The following CCDC73 variants were observed in gnomAD, a reference collection of about 807,000 sequenced individuals.
CCDC73 encodes coiled-coil domain containing 73.
A neutral mutation model predicts 116.5 loss-of-function variants in CCDC73; 95 were observed. That is an observed-to-expected ratio of 0.82 (90% CI 0.69 to 0.97). The LOEUF (loss-of-function observed/expected upper bound fraction) is 0.97, where lower values mean the gene tolerates loss of function less well. Among genes scored for constraint, CCDC73 ranks in the 50% least tolerant of loss-of-function variants. CCDC73 has a pLI of 0.00. For missense variants in CCDC73, 1,066 were observed against 1,206.8 expected (o/e 0.88, Z 1.73); for synonymous variants, 398 against 401.3 (o/e 0.99, Z 0.10).
intron 2 of CCDC73, among the ~76,000 whole-genome samples, chr11:32,750,184 C>T (rs1312594658): frequency 6.6e-6 from 1 of 152,164 alleles, no homozygotes; most frequent in African/African-American, 2.4e-5. Context: ...CTCTCACTTT[C>T]TACCAAATAA....
chr11:32,762,571 T>C (rs1026973452), intron 1 of CCDC73, among the ~76,000 whole-genome samples: 1 of 151,890 alleles, frequency 6.6e-6, no homozygotes, highest in African/African-American at 2.4e-5. Flanking sequence ...AGAGGTGCCT[T>C]GGTGTCAAGC....
intron 1 of CCDC73, among the ~76,000 whole-genome samples, chr11:32,792,901 TG>T (rs1388560062): frequency 3.3e-5 from 5 of 152,232 alleles, no homozygotes; most frequent in African/African-American, 1.2e-4. Flanking sequence ...GTTTGGGGTT[TG>T]TTTTTTTAGG....
chr11:32,749,370 CTTT>C (rs1177158525), intron 2 of CCDC73, among the ~76,000 whole-genome samples: 1 of 151,854 alleles, frequency 6.6e-6, no homozygotes, highest in Non-Finnish European at 1.5e-5. Context: ...CTGCTTGACT[CTTT>C]TTTAATTATT....
At chr11:32,770,303 A>C (rs896118109) in intron 1 of CCDC73, among the ~76,000 whole-genome samples, 5 of 152,194 alleles carry the variant, frequency 3.3e-5, no homozygotes, top group Non-Finnish European at 1.5e-5. Flanking sequence ...TGTAGAGCTC[A>C]TACAGTGTCA....
At chr11:32,628,262 T>C (rs1855595249) in intron 14 of CCDC73, among the ~76,000 whole-genome samples, 1 of 152,164 alleles carries the variant, frequency 6.6e-6, no homozygotes, top group Non-Finnish European at 1.5e-5. Context: ...TGCTACACCA[T>C]AGCACAAGGA....
rs1334419145 is a variant in CCDC73, at chr11:32,768,582, A to G, written c.-15-8324T>C. On this transcript the variant is annotated intron_variant, in intron 1 of 17. Transcript: ENST00000335185. ...TTAATTTTTAAATAAAAGCTGCTTC[A>G]TTGGATAGTGAAAGAAACCTCAATC... 2.0e-5 allele frequency among the ~76,000 whole-genome samples: 3 copies of G among 152,360 alleles called. No individual in the cohort carries two copies. The East Asian group carries it at 5.8e-4, about 29-fold the overall frequency.
At chr11:32,798,916 G>GGC (rs1554971664), upstream of CCDC73, among the ~76,000 whole-genome samples, 3 of 26,866 alleles carry the variant, frequency 1.1e-4, no homozygotes, top group Non-Finnish European at 2.4e-4. Context: ...TGTTTGTTTT[G>GGC]GGGGGGGGCG....
At chr11:32,644,756 C>T (rs1855761905) in intron 12 of CCDC73, among the ~76,000 whole-genome samples, 1 of 152,134 alleles carries the variant, frequency 6.6e-6, no homozygotes, top group South Asian at 2.1e-4. Flanking sequence ...CTTTGCAGCA[C>T]CCCTATTCTT....
chr11:32,755,851 G>A lies in CCDC73; in HGVS notation c.135+4258C>T, dbSNP rs1370077628. The stretch of plus-strand genomic sequence containing the variant: ...TGTGTGTATATATCTCCATATATAT[G>A]TGTGTGTATATATCTCCATATATAT... On this transcript the variant is annotated intron_variant, in intron 2 of 17. Coordinates refer to ENST00000335185, the MANE Select transcript of CCDC73 (RefSeq NM_001008391.4). 1.2e-4 allele frequency among the ~76,000 whole-genome samples: 15 copies of A among 128,354 alleles called. 2 individuals carry two copies. The highest frequency in any genetic ancestry group is 1.5e-4 in the African/African-American group (5 of 34,202). The allele number at this position is 128,354 out of a possible 152,430, so 84.2% of individuals were successfully genotyped here. A position where few individuals can be genotyped will look rare whatever the true frequency, so the allele number is the denominator to read the frequency against.
intron 14 of CCDC73, among the ~76,000 whole-genome samples, chr11:32,634,648 G>A (rs1289485722): frequency 6.6e-6 from 1 of 152,094 alleles, no homozygotes; most frequent in Non-Finnish European, 1.5e-5. Context: ...TAGATTAGAG[G>A]GTCCTAGCTA....
chr11:32,798,908 TTTG>T (rs915681789), upstream of CCDC73, among the ~76,000 whole-genome samples: 5 of 101,878 alleles, frequency 4.9e-5, no homozygotes, highest in African/African-American at 1.4e-4. Flanking sequence ...TGTTTGTTTG[TTTG>T]TTTTGGGGGG....
Position 32,614,872 on chromosome 11 carries a change from A to C in CCDC73, c.1446T>G (p.Ser482Arg), listed in dbSNP as rs200537173. The change falls in exon 16 of 18, where the codon AGT (serine) becomes AGG (arginine). Residue 482 changes from serine (S) to arginine (R), a missense_variant. By Grantham distance (110) the Ser-to-Arg change is moderately radical. Coordinates refer to ENST00000335185, the MANE Select transcript of CCDC73 (RefSeq NM_001008391.4). Reference protein sequence around the residue: ...DTVVSQDENQSEISLSKTLSL... With the variant: ...DTVVSQDENQREISLSKTLSL... ...AGAGGGTTTTGCTTAAGGAGATTTC[A>C]CTTTGATTTTCATCCTGAGAAACAA... is the stretch of plus-strand genomic sequence containing the variant. 1,370 of 1,612,098 alleles carry C rather than the reference A, an allele frequency of 8.5e-4. 26 individuals carry two copies. The South Asian group carries it at 0.013, about 15-fold the overall frequency.
At chr11:32,821,520 G>T in the CCDC73 span, among the ~76,000 whole-genome samples, 1 of 152,096 alleles carries the variant, frequency 6.6e-6, no homozygotes, top group Middle Eastern at 3.4e-3. Flanking sequence ...AAATTGCTTT[G>T]CTATTTAAAA....
rs143752444 is a variant in CCDC73 at position 32,688,050 on chromosome 11, T to C, written c.391-4476A>G. Among the ~76,000 whole-genome samples, 27 of 152,262 alleles carry C rather than the reference T, an allele frequency of 1.8e-4. No individual in the cohort carries two copies. In the Middle Eastern group the frequency reaches 0.01, roughly 58 times the overall value. Reference sequence around the variant, plus strand: ...AGGAAACTATGAGTCTATATTGATATAAATAAATATATTAAAAGTTTGGTG... The same window carrying C: ...AGGAAACTATGAGTCTATATTGATACAAATAAATATATTAAAAGTTTGGTG... On this transcript the variant is annotated intron_variant, in intron 6 of 17. Coordinates refer to ENST00000335185, the MANE Select transcript of CCDC73 (RefSeq NM_001008391.4).
At chr11:32,742,641 C>A (rs1409282406) in intron 2 of CCDC73, among the ~76,000 whole-genome samples, 1 of 152,148 alleles carries the variant, frequency 6.6e-6, no homozygotes, top group South Asian at 2.1e-4. Flanking sequence ...CTTTGCTGTG[C>A]AGAAGTTCTT....
intron 14 of CCDC73, among the ~76,000 whole-genome samples, chr11:32,624,763 TG>T (rs1855555008): frequency 6.6e-6 from 1 of 152,162 alleles, no homozygotes. Flanking sequence ...AGCAAAGACT[TG>T]GAACAAACCC....
the CCDC73 span, among the ~76,000 whole-genome samples, chr11:32,817,847 T>C: frequency 2.0e-5 from 3 of 152,224 alleles, no homozygotes; most frequent in Non-Finnish European, 4.4e-5. Context: ...CATATCATAA[T>C]AGTCCAGTGA....
chr11:32,799,385 C>A (rs1216028853), upstream of CCDC73, among the ~76,000 whole-genome samples: 1 of 151,978 alleles, frequency 6.6e-6, no homozygotes, highest in Non-Finnish European at 1.5e-5. Flanking sequence ...AGCCACCATG[C>A]CTGGCCCCAT....
intron 12 of CCDC73, 103 bp downstream of exon 12, chr11:32,653,020 C>A: frequency 1.6e-6 from 1 of 620,938 alleles, no homozygotes. Flanking sequence ...TCAAAATAAT[C>A]TCAATAAAAC....
Sources: allele counts gnomAD v4.1 joint callset (sites outside exome capture counted in the v4.1 genomes callset), GRCh38; gene constraint gnomAD v4.1.1; transcripts MANE v1.5; gene names NCBI Gene and HGNC (gene_info 2026-07-23, HGNC 2026-07-21).